KMT5B: variants seen among roughly 807,000 people sequenced by gnomAD.
The protein encoded by KMT5B is histone-lysine N-methyltransferase KMT5B.
KMT5B carries 10 observed loss-of-function variants against 83.2 expected under a neutral mutation model. The observed-to-expected ratio is 0.12, with a 90% CI of 0.07 to 0.20. The LOEUF is 0.20. KMT5B is among the 10% of genes least tolerant of loss of function. The pLI is 1.00. For missense variants in KMT5B, 753 were observed against 1,067.2 expected (o/e 0.71, Z 4.10); for synonymous variants, 349 against 388.8 (o/e 0.90, Z 1.20).
intron 1 of KMT5B, among the ~76,000 whole-genome samples, chr11:68,205,551 T>C (rs1859990588): frequency 6.6e-6 from 1 of 152,128 alleles, no homozygotes; most frequent in Non-Finnish European, 1.5e-5. Context: ...TATTAGAATT[T>C]CTCATTGAGC....
At chr11:68,166,188 T>G in intron 10 of KMT5B, 1 of 1,316,864 alleles carries the variant, frequency 7.6e-7, no homozygotes, top group South Asian at 2.3e-5. Flanking sequence ...AAAACTGGTG[T>G]TACCCAGAAA....
intron 1 of KMT5B, among the ~76,000 whole-genome samples, chr11:68,204,168 C>T (rs375894826): frequency 2.0e-5 from 3 of 152,182 alleles, no homozygotes; most frequent in African/African-American, 7.2e-5. Flanking sequence ...TGGCCACAGA[C>T]ACCATCACTA....
At chr11:68,212,975 G>GC (rs1247980626) in intron 1 of KMT5B, among the ~76,000 whole-genome samples, 163 bp downstream of exon 1, 2 of 61,598 alleles carry the variant, frequency 3.2e-5, no homozygotes, top group Non-Finnish European at 6.9e-5. Flanking sequence ...CCGCAGCCCC[G>GC]CCCCCCGCGC....
At chr11:68,185,732 G>T in intron 3 of KMT5B, 49 bp downstream of exon 3, 1 of 1,505,548 alleles carries the variant, frequency 6.6e-7, no homozygotes, top group South Asian at 1.3e-5. Flanking sequence ...CTATGTTCTT[G>T]AATTCAACAT....
intron 1 of KMT5B, among the ~76,000 whole-genome samples, chr11:68,202,038 G>A (rs1166030553): frequency 6.6e-6 from 1 of 152,116 alleles, no homozygotes; most frequent in East Asian, 1.9e-4. Context: ...CTGCACTCTA[G>A]CCTAGGTGAT....
intron 1 of KMT5B, among the ~76,000 whole-genome samples, chr11:68,200,748 G>C (rs1241546685): frequency 6.6e-6 from 1 of 152,190 alleles, no homozygotes; most frequent in Non-Finnish European, 1.5e-5. Flanking sequence ...CAGATGATCT[G>C]AGTAGGAAAA....
intron 10 of KMT5B, among the ~76,000 whole-genome samples, chr11:68,159,386 G>A (rs1489829865): frequency 2.0e-5 from 3 of 152,156 alleles, no homozygotes; most frequent in African/African-American, 4.8e-5. Context: ...TCATTTTTGA[G>A]GTAAGTAGTT....
chr11:68,197,817 A>G (rs1591045968), intron 1 of KMT5B, among the ~76,000 whole-genome samples: 2 of 152,358 alleles, frequency 1.3e-5, no homozygotes, highest in East Asian at 3.9e-4. Context: ...GAGATTCTCC[A>G]CAGGTCCATA....
chr11:68,207,559 G>A (rs1270425712), intron 1 of KMT5B, among the ~76,000 whole-genome samples: 2 of 152,024 alleles, frequency 1.3e-5, no homozygotes, highest in South Asian at 2.1e-4. Flanking sequence ...TTGGGAGGCC[G>A]AGGTGGGCGG....
Position 68,157,597 on chromosome 11 carries a change from T to C in KMT5B, c.*91A>G. 3 of 1,475,660 alleles carry C rather than the reference T, an allele frequency of 2.0e-6. No homozygotes were observed. Among genetic ancestry groups the C allele is most frequent in the Non-Finnish European group, 2.7e-6 (3 of 1,118,458 alleles). 91.4% of individuals were successfully genotyped at this position (1,475,660 alleles called of 1,614,324 possible). On this transcript the variant is annotated 3_prime_UTR_variant, in exon 11 of 11. Transcript: ENST00000304363. ...CTGATAAGTGAAGGGACAATAGAAG[T>C]GCTGCCACTAAACTTTCAGTTGAGG... is the stretch of plus-strand genomic sequence containing the variant.
At chr11:68,204,514 C>T (rs1859831632) in intron 1 of KMT5B, among the ~76,000 whole-genome samples, 1 of 152,110 alleles carries the variant, frequency 6.6e-6, no homozygotes, top group Non-Finnish European at 1.5e-5. Context: ...AAGCAAAGAG[C>T]AGCTTCCCTC....
intron 9 of KMT5B, among the ~76,000 whole-genome samples, chr11:68,167,574 C>T (rs1855432204): frequency 6.6e-6 from 1 of 151,880 alleles, no homozygotes; most frequent in Non-Finnish European, 1.5e-5. Context: ...CCCACCTCAG[C>T]ATCCTGAGTA....
chr11:68,189,934 TCGACTG>T lies in KMT5B; in HGVS notation c.137_142del (p.Ala46_Val47del). On this transcript the variant is annotated inframe_deletion, in exon 2 of 11. Coordinates refer to ENST00000304363, the MANE Select transcript of KMT5B (RefSeq NM_017635.5). ...GTACATACATCTGTTCGACCTCCTCTCGACTGCATTTTTGCCAGCCTTCAGGGTGTC... is the reference window on the plus strand; with the variant it reads ...GTACATACATCTGTTCGACCTCCTCTCATTTTTGCCAGCCTTCAGGGTGTC... 6.2e-7 allele frequency: 1 copy of T among 1,614,210 alleles called. No individual in the cohort carries two copies.
chr11:68,168,316 T>C (rs79362619), intron 9 of KMT5B, among the ~76,000 whole-genome samples: 1,977 of 152,126 alleles, frequency 0.013, 43 homozygotes, highest in African/African-American at 0.042. Flanking sequence ...TATAAGCTTA[T>C]AGGAGCTTTT....
chr11:68,211,343 G>A (rs1860868957), intron 1 of KMT5B, among the ~76,000 whole-genome samples: 1 of 152,140 alleles, frequency 6.6e-6, no homozygotes, highest in Admixed American at 6.5e-5. Flanking sequence ...GAAAGCAGAT[G>A]AAAATAAAGG....
rs755731394 is a variant in KMT5B at position 68,167,456 on chromosome 11, C to CT, written c.978-279dup. Among the ~76,000 whole-genome samples, 455 of 139,096 alleles carry CT rather than the reference C, an allele frequency of 3.3e-3. 1 individual carries two copies. The highest frequency in any genetic ancestry group is 4.6e-3 in the Admixed American group (64 of 13,886). The allele number at this position is 139,096 out of a possible 152,430, so 91.3% of individuals were successfully genotyped here. A position where few individuals can be genotyped will look rare whatever the true frequency, so the allele number is the denominator to read the frequency against. Reference sequence around the variant, plus strand: ...CTACTGGACCTTGTAAAATTTTTTCCTTTTTTTTTTTTTTTTGAGACAGGG... The same window carrying CT: ...CTACTGGACCTTGTAAAATTTTTTCCTTTTTTTTTTTTTTTTTGAGACAGGG... On this transcript the variant is annotated intron_variant, in intron 9 of 10. Coordinates refer to ENST00000304363, the MANE Select transcript of KMT5B (RefSeq NM_017635.5).
intron 1 of KMT5B, among the ~76,000 whole-genome samples, chr11:68,199,534 C>G (rs1004502864): frequency 5.3e-5 from 8 of 152,140 alleles, no homozygotes; most frequent in African/African-American, 1.9e-4. Context: ...AGAAGGGCTT[C>G]AAAGCCACTG....
chr11:68,179,760 T>C (rs1265331987), intron 4 of KMT5B: 1 of 621,730 alleles, frequency 1.6e-6, no homozygotes, highest in African/African-American at 1.9e-5. Context: ...CTGAAGAAAG[T>C]TTAGCTGCAA....
intron 4 of KMT5B, among the ~76,000 whole-genome samples, chr11:68,178,167 T>C (rs961421259): frequency 2.0e-5 from 3 of 152,204 alleles, no homozygotes; most frequent in African/African-American, 7.2e-5. Flanking sequence ...GGCCAAGCTA[T>C]CTTTACACGT....
Sources: allele counts gnomAD v4.1 joint callset (sites outside exome capture counted in the v4.1 genomes callset), GRCh38; gene constraint gnomAD v4.1.1; transcripts MANE v1.5; gene names NCBI Gene and HGNC (gene_info 2026-07-23, HGNC 2026-07-21).